The following FBLN7 variants were observed in gnomAD, a reference collection of about 807,000 sequenced individuals.
The protein encoded by FBLN7 is fibulin-7.
FBLN7 carries 31 observed loss-of-function variants against 44.0 expected under a neutral mutation model. That is an observed-to-expected ratio of 0.70 (90% CI 0.53 to 0.95). The LOEUF is 0.95. Among genes scored for constraint, FBLN7 ranks in the 40% least tolerant of loss-of-function variants. FBLN7 has a pLI of 0.00. For missense variants in FBLN7, 573 were observed against 618.5 expected, an observed-to-expected ratio of 0.93 and a Z score of 0.78; for synonymous variants, 262 against 253.4, an observed-to-expected ratio of 1.03 and a Z score of -0.32.
chr2:112,203,369 A>G, the FBLN7 span, among the ~76,000 whole-genome samples: 1 of 152,236 alleles, frequency 6.6e-6, no homozygotes, highest in African/African-American at 2.4e-5. Context: ...AGGGCTGTCT[A>G]TTAAGCTAAC....
intron 3 of FBLN7, among the ~76,000 whole-genome samples, chr2:112,173,775 A>G (rs1573814959): frequency 1.3e-5 from 2 of 152,244 alleles, no homozygotes; most frequent in South Asian, 4.1e-4. Context: ...GTGTGATGAC[A>G]ACTGTACTTC....
At chr2:112,227,715 T>C in the FBLN7 span, among the ~76,000 whole-genome samples, 1 of 152,152 alleles carries the variant, frequency 6.6e-6, no homozygotes, top group Admixed American at 6.5e-5. Context: ...TAAATTACAA[T>C]TCCATTCAAT....
At chr2:112,140,910 T>C (rs1680613564) in intron 1 of FBLN7, among the ~76,000 whole-genome samples, 1 of 152,250 alleles carries the variant, frequency 6.6e-6, no homozygotes, top group South Asian at 2.1e-4. Context: ...GCCGTTGGCA[T>C]TTGTTCGAAT....
the FBLN7 span, among the ~76,000 whole-genome samples, chr2:112,197,171 G>A: frequency 6.7e-6 from 1 of 150,254 alleles, no homozygotes; most frequent in African/African-American, 2.5e-5. Flanking sequence ...TAGTAATAAT[G>A]TCTTTGCAGA....
intron 3 of FBLN7, among the ~76,000 whole-genome samples, chr2:112,172,830 C>T (rs952383810): frequency 2.6e-5 from 4 of 152,000 alleles, no homozygotes; most frequent in East Asian, 1.9e-4. Context: ...GACAAGGTTT[C>T]GCCATGTTGG....
chr2:112,138,560 G>C lies in FBLN7; in HGVS notation c.-96G>C. 613 of 1,328,384 alleles carry C rather than the reference G, an allele frequency of 4.6e-4. No individual in the cohort carries two copies. Among genetic ancestry groups the C allele is most frequent in the East Asian group, 1.8e-3 (43 of 24,310 alleles). The allele number at this position is 1,328,384 out of a possible 1,614,324, so 82.3% of individuals were successfully genotyped here. On this transcript the variant is annotated 5_prime_UTR_variant, in exon 1 of 8. Coordinates refer to ENST00000331203, the MANE Select transcript of FBLN7 (RefSeq NM_153214.3). ...CCGCCCCCCGGCCGCGCGGCGCCCC[G>C]CACCCTGCAGGGACGGCTGCCGCAT... is the stretch of plus-strand genomic sequence containing the variant.
the FBLN7 span, among the ~76,000 whole-genome samples, chr2:112,200,315 GA>G: frequency 6.6e-6 from 1 of 152,170 alleles, no homozygotes; most frequent in African/African-American, 2.4e-5. Flanking sequence ...GAACTGTGCA[GA>G]GCCATGGGGG....
At chr2:112,233,245 T>C in the FBLN7 span, 1 of 1,422,258 alleles carries the variant, frequency 7.0e-7, no homozygotes, top group Non-Finnish European at 9.6e-7. Context: ...CACCATATCT[T>C]GTGATAAAGG....
At chr2:112,185,754 C>G (rs1477871576) in intron 7 of FBLN7, among the ~76,000 whole-genome samples, 1 of 152,092 alleles carries the variant, frequency 6.6e-6, no homozygotes, top group African/African-American at 2.4e-5. Flanking sequence ...GAACTATAGA[C>G]TCCCTTGAGT....
chr2:112,176,634 G>A (rs1682749225), intron 4 of FBLN7: 1 of 152,210 alleles, frequency 6.6e-6, no homozygotes, highest in Non-Finnish European at 1.5e-5. Context: ...TTTAAATAGT[G>A]CCCCAAGAGA....
chr2:112,138,603 C>T lies in FBLN7; in HGVS notation c.-53C>T. The T allele has an allele frequency of 6.2e-7, 1 of 1,612,616 alleles. No individual in the cohort carries two copies. Among genetic ancestry groups the T allele is most frequent in the Non-Finnish European group, 8.5e-7 (1 of 1,179,276 alleles). ...TGCCGCATCGCTGGGACAAACTCGG[C>T]AGCGGAGGCAAAGTTATTTCCCCTC... On this transcript the variant is annotated 5_prime_UTR_variant, in exon 1 of 8. Transcript: ENST00000331203.
chr2:112,180,953 A>G (rs1218617741), intron 4 of FBLN7, among the ~76,000 whole-genome samples: 1 of 151,620 alleles, frequency 6.6e-6, no homozygotes, highest in Non-Finnish European at 1.5e-5. Flanking sequence ...AAACGAAAGA[A>G]AAAAAAGAAA....
chr2:112,237,742 C>T, the FBLN7 span, among the ~76,000 whole-genome samples: 4 of 151,628 alleles, frequency 2.6e-5, no homozygotes, highest in Non-Finnish European at 2.9e-5. Flanking sequence ...TACCCTGATA[C>T]TTTTTTTTAT....
intron 1 of FBLN7, chr2:112,151,848 T>G (rs1681176312): frequency 6.6e-6 from 1 of 152,148 alleles, no homozygotes; most frequent in African/African-American, 2.4e-5. Flanking sequence ...CCTCAGAGAC[T>G]TGCTGAAGAT....
the FBLN7 span, chr2:112,215,630 T>C: frequency 6.6e-6 from 1 of 152,236 alleles, no homozygotes; most frequent in Non-Finnish European, 1.5e-5. Flanking sequence ...TTCCATTTCA[T>C]GGTATTTGTC....
At chr2:112,138,783 A>G (rs1680479722) in intron 1 of FBLN7, 53 bp downstream of exon 1, 1 of 1,498,866 alleles carries the variant, frequency 6.7e-7, no homozygotes, top group Admixed American at 2.0e-5. Flanking sequence ...GCCTCTCTCC[A>G]GGCCAGTGTC....
chr2:112,153,540 G>C (rs148348352), intron 1 of FBLN7, among the ~76,000 whole-genome samples: 1 of 152,156 alleles, frequency 6.6e-6, no homozygotes, highest in Non-Finnish European at 1.5e-5. Context: ...CCATGTTTCC[G>C]TACATACTCC....
intron 1 of FBLN7, 107 bp downstream of exon 1, chr2:112,138,837 CCT>C (rs1491192971): frequency 1.0e-5 from 3 of 296,970 alleles, no homozygotes; most frequent in African/African-American, 2.6e-4. Context: ...GCCTCTCTCC[CCT>C]GTCCCTCCCG....
At chr2:112,161,246 A>G (rs189204574) in intron 2 of FBLN7, among the ~76,000 whole-genome samples, 1 of 152,292 alleles carries the variant, frequency 6.6e-6, no homozygotes, top group Admixed American at 6.5e-5. Context: ...TACTCACTGC[A>G]GACACATTTA....
Sources: allele counts gnomAD v4.1 joint callset (sites outside exome capture counted in the v4.1 genomes callset), GRCh38; gene constraint gnomAD v4.1.1; transcripts MANE v1.5; gene names NCBI Gene and HGNC (gene_info 2026-07-23, HGNC 2026-07-21).